SLC30A8: variants seen among roughly 807,000 people sequenced by gnomAD.
SLC30A8 encodes solute carrier family 30 member 8.
In SLC30A8, 27 loss-of-function variants were observed where a neutral mutation model predicts 36.9. That is an observed-to-expected ratio of 0.73 (90% CI 0.54 to 1.01). The LOEUF (loss-of-function observed/expected upper bound fraction) is 1.01. Among genes scored for constraint, SLC30A8 ranks in the 50% least tolerant of loss-of-function variants. SLC30A8 has a pLI of 0.00. For missense variants in SLC30A8, 439 were observed against 452.0 expected, an observed-to-expected ratio of 0.97 and a Z score of 0.26; for synonymous variants, 164 against 172.4, an observed-to-expected ratio of 0.95 and a Z score of 0.38.
At chr8:116,999,059 G>T (rs1350148349) in intron 1 of SLC30A8, among the ~76,000 whole-genome samples, 1 of 152,198 alleles carries the variant, frequency 6.6e-6, no homozygotes, top group Non-Finnish European at 1.5e-5. Context: ...AGGAGTTTGA[G>T]ACCAGCCTGG....
intron 2 of SLC30A8, among the ~76,000 whole-genome samples, chr8:117,048,444 C>T (rs115891327): frequency 7.2e-5 from 11 of 152,262 alleles, no homozygotes; most frequent in African/African-American, 2.6e-4. Context: ...GTATATCCCT[C>T]ACATTTTATC....
At chr8:117,012,120 T>G (rs1816362608) in intron 1 of SLC30A8, among the ~76,000 whole-genome samples, 1 of 152,216 alleles carries the variant, frequency 6.6e-6, no homozygotes, top group Non-Finnish European at 1.5e-5. Flanking sequence ...ACTAATTAGT[T>G]GCTCACATAA....
At chr8:117,146,696 A>G in intron 1 of SLC30A8, 1 of 543,688 alleles carries the variant, frequency 1.8e-6, no homozygotes, top group Non-Finnish European at 2.8e-6. Context: ...TTCCTTTGAT[A>G]TCTCTTAATA....
chr8:117,019,150 A>G (rs1816623542), intron 1 of SLC30A8, among the ~76,000 whole-genome samples: 1 of 152,182 alleles, frequency 6.6e-6, no homozygotes, highest in African/African-American at 2.4e-5. Context: ...AACAATCCCC[A>G]CAGAGACTGT....
In SLC30A8 at chr8:117,176,168, A is replaced by C. The variant is rs1345071634; in HGVS notation, c.*3487A>C. 1 of 151,898 alleles carries C rather than the reference A, an allele frequency of 6.6e-6. No individual in the cohort carries two copies. The highest frequency in any genetic ancestry group is 1.5e-5 in the Non-Finnish European group (1 of 67,838). The allele number at this position is 151,898 out of a possible 1,614,324, so 9.4% of individuals were successfully genotyped here. On this transcript the variant is annotated 3_prime_UTR_variant, in exon 8 of 8. Coordinates refer to ENST00000456015, the MANE Select transcript of SLC30A8 (RefSeq NM_173851.3). ...AGTGGCAAATTTGGATCACTTACTT[A>C]ATATCTGTTAAATTTTGTGACCCAA...
chr8:117,110,068 C>T (rs553444681), intron 2 of SLC30A8, among the ~76,000 whole-genome samples: 29 of 152,198 alleles, frequency 1.9e-4, no homozygotes, highest in African/African-American at 6.0e-4. Context: ...ATCTTCATTA[C>T]GCCTTGTAAG....
chr8:117,024,197 T>G (rs1189472942), intron 1 of SLC30A8, among the ~76,000 whole-genome samples: 1 of 152,208 alleles, frequency 6.6e-6, no homozygotes, highest in East Asian at 1.9e-4. Context: ...TAATGTTATT[T>G]CCTCCCACAG....
intron 6 of SLC30A8, among the ~76,000 whole-genome samples, chr8:117,166,482 C>T (rs532994050): frequency 2.0e-5 from 3 of 152,154 alleles, no homozygotes; most frequent in Non-Finnish European, 4.4e-5. Context: ...ATCAGAATCA[C>T]GTGGAGGGTT....
chr8:117,169,043 TTTG>T (rs1260285022), intron 6 of SLC30A8, among the ~76,000 whole-genome samples: 1 of 151,372 alleles, frequency 6.6e-6, no homozygotes, highest in Non-Finnish European at 1.5e-5. Context: ...TCAATAAAAG[TTTG>T]TTATTATTAT....
chr8:117,171,439 G>C (rs1823380223), intron 7 of SLC30A8, among the ~76,000 whole-genome samples: 1 of 152,110 alleles, frequency 6.6e-6, no homozygotes, highest in African/African-American at 2.4e-5. Context: ...CAAGGCCTTG[G>C]ACTCTGAATA....
At chr8:117,031,948 A>G (rs1035512279) in intron 1 of SLC30A8, among the ~76,000 whole-genome samples, 2 of 152,100 alleles carry the variant, frequency 1.3e-5, no homozygotes, top group African/African-American at 4.8e-5. Flanking sequence ...CTGGCTGGTA[A>G]GATATTTCCT....
intron 1 of SLC30A8, among the ~76,000 whole-genome samples, chr8:116,974,311 G>A (rs113142411): frequency 0.015 from 2,253 of 152,076 alleles, 61 homozygotes; most frequent in African/African-American, 0.051. Context: ...GCTAATATCC[G>A]GAATCTACAA....
chr8:117,171,287 G>A (rs1823370581), intron 7 of SLC30A8, 119 bp downstream of exon 7: 2 of 1,184,484 alleles, frequency 1.7e-6, no homozygotes, highest in Non-Finnish European at 2.5e-6. Flanking sequence ...ACATTATAAA[G>A]TGTTTTCTAT....
intron 1 of SLC30A8, among the ~76,000 whole-genome samples, chr8:117,035,494 C>A (rs1817183899): frequency 6.6e-6 from 1 of 152,226 alleles, no homozygotes. Flanking sequence ...GCAGCTCCTT[C>A]ACGGTCTGAC....
chr8:116,977,315 ATTTTTT>A (rs34483962), intron 1 of SLC30A8, among the ~76,000 whole-genome samples: 2 of 142,442 alleles, frequency 1.4e-5, no homozygotes, highest in Admixed American at 7.0e-5. Context: ...CACCTGGCTA[ATTTTTT>A]TTTTTGTATT....
chr8:117,090,314 C>G (rs556865701), intron 2 of SLC30A8, among the ~76,000 whole-genome samples: 14 of 152,268 alleles, frequency 9.2e-5, no homozygotes, highest in East Asian at 1.9e-4. Context: ...CTCTAAGAAG[C>G]CTTTGCTTCA....
chr8:117,049,495 GT>G (rs910591584), intron 2 of SLC30A8, among the ~76,000 whole-genome samples: 2 of 152,158 alleles, frequency 1.3e-5, no homozygotes, highest in Non-Finnish European at 2.9e-5. Context: ...ATCCAAGGAG[GT>G]CCCAGCTGCA....
chr8:117,115,091 T>G (rs1820390447), intron 2 of SLC30A8, among the ~76,000 whole-genome samples: 1 of 151,958 alleles, frequency 6.6e-6, no homozygotes, highest in Non-Finnish European at 1.5e-5. Flanking sequence ...GAATTTTATT[T>G]TTTGTTTATA....
At chr8:117,151,452 A>G (rs1418888383) in intron 2 of SLC30A8, among the ~76,000 whole-genome samples, 2 of 152,256 alleles carry the variant, frequency 1.3e-5, no homozygotes, top group Non-Finnish European at 2.9e-5. Context: ...TCTTGCAAGC[A>G]GTTTGCTCTA....
Sources: gnomAD v4.1 joint callset for allele counts (sites outside exome capture counted in the v4.1 genomes callset) on GRCh38, gnomAD v4.1.1 for gene constraint, MANE v1.5 for transcripts, NCBI Gene and HGNC (gene_info 2026-07-23, HGNC 2026-07-21) for gene names.